KIF1A: variants seen among roughly 807,000 people sequenced by gnomAD.
The protein encoded by KIF1A is kinesin family member 1A.
KIF1A carries 46 observed loss-of-function variants against 227.3 expected under a neutral mutation model. The ratio of observed to expected loss-of-function variants is 0.20; its 90% CI spans 0.16 to 0.26. The LOEUF is 0.26. Ranked by LOEUF, KIF1A falls within the 10% of genes least tolerant of loss-of-function variation. The pLI, the probability that KIF1A is intolerant of heterozygous loss-of-function variation, is 1.00. For missense variants in KIF1A, 1,683 were observed against 2,485.9 expected (o/e 0.68, Z 6.87); for synonymous variants, 1,022 against 1,012.8 (o/e 1.01, Z -0.17).
chr2:240,774,819 G>T (rs78681703), intron 11 of KIF1A, among the ~76,000 whole-genome samples: 1 of 152,136 alleles, frequency 6.6e-6, no homozygotes, highest in African/African-American at 2.4e-5. Flanking sequence ...CTCCACGCCA[G>T]CCCTCAGGAC....
In KIF1A at chr2:240,792,568, G is replaced by A. The variant is rs1188953837; in HGVS notation, c.107-3256C>T. Reference sequence around the variant, plus strand: ...TGGGGGGAGCTGGAAGAAGGGGGACGGGAAAGGAATGGAATACAGCCGTTT... The same window carrying A: ...TGGGGGGAGCTGGAAGAAGGGGGACAGGAAAGGAATGGAATACAGCCGTTT... On this transcript the variant is annotated intron_variant, in intron 2 of 48. Coordinates refer to ENST00000498729, the MANE Select transcript of KIF1A (RefSeq NM_001244008.2). This position sits in a 1 kb window ranked among gnomAD's most constrained non-coding sequence, Gnocchi z 4.5. Among the ~76,000 whole-genome samples, 3 of 152,092 alleles carry A rather than the reference G, an allele frequency of 2.0e-5. No individual in the cohort carries two copies. Among genetic ancestry groups the A allele is most frequent in the South Asian group, 2.1e-4 (1 of 4,820 alleles).
In KIF1A at chr2:240,788,723, G is replaced by A. The variant is rs2055258319; in HGVS notation, c.184-493C>T. 2.0e-5 allele frequency among the ~76,000 whole-genome samples: 3 copies of A among 152,186 alleles called. No individual in the cohort carries two copies. The highest frequency in any genetic ancestry group is 1.9e-4 in the East Asian group (1 of 5,166). Reference sequence around the variant, plus strand: ...AGGACTGGATGGGGAAGGCAGAAGCGGGGAGCCCTGGGGCTGTTATGGGGG... The same window carrying A: ...AGGACTGGATGGGGAAGGCAGAAGCAGGGAGCCCTGGGGCTGTTATGGGGG... On this transcript the variant is annotated intron_variant, in intron 3 of 48. Coordinates refer to ENST00000498729, the MANE Select transcript of KIF1A (RefSeq NM_001244008.2). This position sits in a 1 kb window ranked among gnomAD's most constrained non-coding sequence, Gnocchi z 6.6.
chr2:240,745,634 A>G lies in KIF1A; in HGVS notation c.3374+104T>C. 7 of 1,504,866 alleles carry G rather than the reference A, an allele frequency of 4.7e-6. No individual in the cohort carries two copies. The South Asian group carries it at 8.5e-5, about 18-fold the overall frequency. 93.2% of individuals were successfully genotyped at this position (1,504,866 alleles called of 1,614,324 possible). A position where few individuals can be genotyped will look rare whatever the true frequency, so the allele number is the denominator to read the frequency against. ...CGTTCAGGGCCTGCGGGCTGGGCCA[A>G]CACAGCACCAACATGGCCTGCTCCC... On this transcript the variant is annotated intron_variant, in intron 31 of 48. Transcript: ENST00000498729.
chr2:240,731,271 T>C (rs2125668056), intron 38 of KIF1A, among the ~76,000 whole-genome samples: 1 of 150,852 alleles, frequency 6.6e-6, no homozygotes, highest in African/African-American at 2.4e-5. Flanking sequence ...ATGCCAGGTA[T>C]GCCAGATGCC....
chr2:240,740,280 G>A lies in KIF1A; in HGVS notation c.3816+18C>T, dbSNP rs201725464. ...GGGGAGGGGACACAGGCAGGGTAGG[G>A]GCAAGAGGGGCTCACACCTGGTGGA... On this transcript the variant is annotated intron_variant, in intron 36 of 48. Coordinates refer to ENST00000498729, the MANE Select transcript of KIF1A (RefSeq NM_001244008.2). The surrounding 1 kb of genome is among the most constrained non-coding windows in gnomAD (Gnocchi z 6.1). The A allele has an allele frequency of 4.6e-4, 743 of 1,610,234 alleles. 5 individuals are homozygous for A. The African/African-American group carries it at 8.9e-3, about 19-fold the overall frequency.
intron 37 of KIF1A, 58 bp from the exon 38 acceptor site, chr2:240,737,226 G>T (rs1332962780): frequency 7.2e-7 from 1 of 1,397,372 alleles, no homozygotes; most frequent in African/African-American, 1.4e-5. Flanking sequence ...GGACCCTGGG[G>T]GGCTGCCTCA....
chr2:240,741,155 G>A (rs890582398), intron 35 of KIF1A, 114 bp downstream of exon 35: 18 of 691,652 alleles, frequency 2.6e-5, no homozygotes, highest in African/African-American at 7.0e-5. Context: ...GTGAACACCC[G>A]CTGGAAGAAC....
Position 240,789,421 on chromosome 2 carries a change from C to A in KIF1A, c.107-109G>T, listed in dbSNP as rs1419450660. 1.1e-6 allele frequency: 1 copy of A among 871,956 alleles called. No individual in the cohort carries two copies. Among genetic ancestry groups the A allele is most frequent in the South Asian group, 1.5e-5 (1 of 67,216 alleles). The allele number at this position is 871,956 out of a possible 1,614,324, so 54.0% of individuals were successfully genotyped here. On this transcript the variant is annotated intron_variant, in intron 2 of 48. Transcript: ENST00000498729. The surrounding 1 kb of genome is among the most constrained non-coding windows in gnomAD (Gnocchi z 4.8). ...GTCTTAAGAGGCCTCGGGCCCCAGA[C>A]AAGCCAGGCCCCCAAATTGGAGGGG...
rs181750425 is a variant in KIF1A, at chr2:240,717,496, G to A, written c.5334-90C>T. 8.4e-3 allele frequency: 10,315 copies of A among 1,222,994 alleles called. 71 individuals carry two copies. Among genetic ancestry groups the A allele is most frequent in the Non-Finnish European group, 0.011 (9,024 of 846,098 alleles). 75.8% of individuals were successfully genotyped at this position (1,222,994 alleles called of 1,614,324 possible). On this transcript the variant is annotated intron_variant, in intron 48 of 48. Transcript: ENST00000498729. ...GCCCTGCACAGGCAGGCAGCCGTGA[G>A]GGGCAGCCACAGACCCCATGTCCCC...
At chr2:240,759,240 C>T (rs11888153) in intron 25 of KIF1A, among the ~76,000 whole-genome samples, 40,381 of 151,808 alleles carry the variant, frequency 0.27, 5,649 homozygotes, top group East Asian at 0.55. Context: ...GATGTTTTGA[C>T]TTCCTTGGGG....
Position 240,789,919 on chromosome 2 carries a change from G to A in KIF1A, c.107-607C>T, listed in dbSNP as rs995094928. On this transcript the variant is annotated intron_variant, in intron 2 of 48. Transcript: ENST00000498729. The surrounding 1 kb of genome is among the most constrained non-coding windows in gnomAD (Gnocchi z 4.8). Reference sequence around the variant, plus strand: ...GGGCTGGCTTCAGGCAGTGCTCACAGAATATCTGTTCCTCAAACCCAGAAC... The same window carrying A: ...GGGCTGGCTTCAGGCAGTGCTCACAAAATATCTGTTCCTCAAACCCAGAAC... Among the ~76,000 whole-genome samples the A allele has an allele frequency of 6.6e-6, 1 of 152,136 alleles. No homozygotes were observed. The highest frequency in any genetic ancestry group is 1.5e-5 in the Non-Finnish European group (1 of 68,024).
At chr2:240,803,455 C>T (rs544901749) in intron 1 of KIF1A, among the ~76,000 whole-genome samples, 90 of 152,252 alleles carry the variant, frequency 5.9e-4, no homozygotes, top group Non-Finnish European at 1.1e-3. Context: ...TCAGTCTCCA[C>T]GCAGGTCTGC....
intron 17 of KIF1A, among the ~76,000 whole-genome samples, chr2:240,767,908 C>G (rs2051411522): frequency 6.6e-6 from 1 of 152,226 alleles, no homozygotes; most frequent in Non-Finnish European, 1.5e-5. Context: ...GTGAAGGGAT[C>G]CTTGATGAGC....
intron 1 of KIF1A, among the ~76,000 whole-genome samples, chr2:240,814,469 T>A (rs1267528470): frequency 6.6e-6 from 1 of 151,788 alleles, no homozygotes; most frequent in African/African-American, 2.4e-5. Flanking sequence ...TCATGCACCC[T>A]TTCAAGGAAG....
chr2:240,740,389 G>T lies in KIF1A; in HGVS notation c.3750-25C>A. 6.2e-7 allele frequency: 1 copy of T among 1,606,104 alleles called. No individual in the cohort carries two copies. Reference sequence around the variant, plus strand: ...ACTGGAAGAGAGAGACACATGTGAGGAGCGGCCAGCCCCTCCTCTCTGCCC... The same window carrying T: ...ACTGGAAGAGAGAGACACATGTGAGTAGCGGCCAGCCCCTCCTCTCTGCCC... On this transcript the variant is annotated intron_variant, in intron 35 of 48. Coordinates refer to ENST00000498729, the MANE Select transcript of KIF1A (RefSeq NM_001244008.2). The surrounding 1 kb of genome is among the most constrained non-coding windows in gnomAD (Gnocchi z 6.1).
chr2:240,817,041 G>A (rs558935999), intron 1 of KIF1A, among the ~76,000 whole-genome samples: 18 of 152,330 alleles, frequency 1.2e-4, no homozygotes, highest in Non-Finnish European at 1.9e-4. Flanking sequence ...AGCTGGCTTC[G>A]TCAGGTGGGG....
intron 33 of KIF1A, 25 bp from the exon 34 acceptor site, chr2:240,743,009 G>A (rs1468531548): frequency 6.3e-7 from 1 of 1,586,606 alleles, no homozygotes; most frequent in African/African-American, 1.3e-5. Context: ...CCAGTGTGAG[G>A]TGTTTGCGGG....
chr2:240,757,557 T>C lies in KIF1A; in HGVS notation c.2620A>G (p.Asn874Asp), dbSNP rs2050011561. The C allele has an allele frequency of 6.5e-7, 1 of 1,550,326 alleles. No homozygotes were observed. Residue 874 changes from asparagine (N) to aspartate (D), a missense_variant, in exon 27 of 49, where the codon AAC becomes GAC. Coordinates refer to ENST00000498729, the MANE Select transcript of KIF1A (RefSeq NM_001244008.2). The surrounding 1 kb of genome is among the most constrained non-coding windows in gnomAD (Gnocchi z 6.2). ...ISGCNSYPLL[N>D]TCMSERMAAL... ...GCCATGCGCTCGCTCATGCATGTGTTGAGAAGAGGGTAGCTGTTGCAGCCA... is the reference window on the plus strand; with the variant it reads ...GCCATGCGCTCGCTCATGCATGTGTCGAGAAGAGGGTAGCTGTTGCAGCCA...
intron 1 of KIF1A, among the ~76,000 whole-genome samples, chr2:240,807,673 C>T (rs952870584): frequency 6.6e-6 from 1 of 152,180 alleles, no homozygotes; most frequent in African/African-American, 2.4e-5. Context: ...GTACTCCTAG[C>T]TCATTCACTG....
Sources: gnomAD v4.1 joint callset for allele counts (sites outside exome capture counted in the v4.1 genomes callset) on GRCh38, gnomAD v4.1.1 for gene constraint, Gnocchi (gnomAD v3.1) non-coding constraint, MANE v1.5 for transcripts, NCBI Gene and HGNC (gene_info 2026-07-23, HGNC 2026-07-21) for gene names.